The following UFSP2 variants were observed in gnomAD, a reference collection of about 807,000 sequenced individuals.
The protein encoded by UFSP2 is ufm1-specific protease 2.
A neutral mutation model predicts 60.2 loss-of-function variants in UFSP2; 43 were observed. The observed-to-expected ratio is 0.71, with a 90% CI of 0.56 to 0.92. The LOEUF (loss-of-function observed/expected upper bound fraction) is 0.92. Ranked by LOEUF, UFSP2 falls within the 40% of genes least tolerant of loss-of-function variation. UFSP2 has a pLI of 0.00. For synonymous variants in UFSP2, 183 were observed against 195.1 expected, an observed-to-expected ratio of 0.94 and a Z score of 0.52; for missense variants, 520 against 575.0, an observed-to-expected ratio of 0.90 and a Z score of 0.98.
intron 4 of UFSP2, 23 bp downstream of exon 4, chr4:185,418,418 C>G (rs774247584): frequency 1.3e-6 from 2 of 1,561,698 alleles, no homozygotes; most frequent in Non-Finnish European, 1.8e-6. Flanking sequence ...TTTATCAGTA[C>G]AGAAGACAGA....
intron 1 of UFSP2, among the ~76,000 whole-genome samples, chr4:185,424,835 T>C (rs865776051): frequency 6.6e-6 from 1 of 152,174 alleles, no homozygotes; most frequent in Non-Finnish European, 1.5e-5. Context: ...ACTGGAAAAA[T>C]ACACAACTTC....
At chr4:185,408,247 A>C (rs1429079826) in intron 8 of UFSP2, 24 bp downstream of exon 8, 1 of 1,607,334 alleles carries the variant, frequency 6.2e-7, no homozygotes, top group East Asian at 2.2e-5. Context: ...AGTTGATTAT[A>C]ATTTAAAACG....
intron 8 of UFSP2, 77 bp downstream of exon 8, chr4:185,408,194 A>G (rs1420503604): frequency 1.2e-5 from 18 of 1,557,070 alleles, no homozygotes; most frequent in Non-Finnish European, 1.6e-5. Flanking sequence ...ACCATGAGGT[A>G]ACAAAAATTA....
intron 4 of UFSP2, 84 bp from the exon 5 acceptor site, chr4:185,415,951 T>G: frequency 8.4e-7 from 1 of 1,191,792 alleles, no homozygotes; most frequent in Non-Finnish European, 1.1e-6. Context: ...TTCAAAAATG[T>G]ATTTATTATT....
rs1195255386 is a variant in UFSP2 at position 185,418,706 on chromosome 4, G to GT, written c.146dup (p.Asn49LysfsTer17). The GT allele has an allele frequency of 6.2e-7, 1 of 1,613,618 alleles. No homozygotes were observed. Among genetic ancestry groups the GT allele is most frequent in the Non-Finnish European group, 8.5e-7 (1 of 1,179,910 alleles). ...TGTGGCAAATTCTGAACACAAGGGC[G>GT]TTTGAAGACAGCTTAGTTGACAGGT... On this transcript the variant is annotated frameshift_variant, in exon 3 of 12. Transcript: ENST00000264689. LOFTEE classifies it high-confidence loss of function.
At chr4:185,406,366 C>G (rs919021321) in intron 9 of UFSP2, among the ~76,000 whole-genome samples, 6 of 152,206 alleles carry the variant, frequency 3.9e-5, no homozygotes, top group African/African-American at 1.4e-4. Flanking sequence ...AAAATGTTTT[C>G]AAGTGCAACA....
chr4:185,408,896 CT>C (rs2095524613), intron 7 of UFSP2, among the ~76,000 whole-genome samples: 1 of 152,196 alleles, frequency 6.6e-6, no homozygotes, highest in Non-Finnish European at 1.5e-5. Context: ...ACCCCACCCC[CT>C]GCCTCACCTG....
chr4:185,399,927 G>C lies in UFSP2; in HGVS notation c.*465C>G, dbSNP rs545340571. On this transcript the variant is annotated 3_prime_UTR_variant, in exon 12 of 12. Transcript: ENST00000264689. ...TACTGGTTATACTTACCAGAGTCTA[G>C]AGACCAAAAATGGGACTGCATGGTG... 5.8e-6 allele frequency: 9 copies of C among 1,553,318 alleles called. No individual in the cohort carries two copies. In the South Asian group the frequency reaches 7.3e-5, roughly 13 times the overall value.
chr4:185,417,105 T>C (rs575576324), intron 4 of UFSP2, among the ~76,000 whole-genome samples: 73 of 152,298 alleles, frequency 4.8e-4, no homozygotes, highest in African/African-American at 1.6e-3. Context: ...GAAGTTAACC[T>C]CACCAATAAT....
chr4:185,408,194 A>C lies in UFSP2; in HGVS notation c.996+77T>G, dbSNP rs1420503604. ...CAGAAATAAGTCTGCACCATGAGGT[A>C]ACAAAAATTATCAATGGTATATTAA... On this transcript the variant is annotated intron_variant, in intron 8 of 11. Coordinates refer to ENST00000264689, the MANE Select transcript of UFSP2 (RefSeq NM_018359.5). 3.2e-6 allele frequency: 5 copies of C among 1,557,188 alleles called. No individual in the cohort carries two copies. The Admixed American group carries it at 8.8e-5, about 28-fold the overall frequency.
intron 9 of UFSP2, among the ~76,000 whole-genome samples, chr4:185,407,017 CTTTTTTT>C (rs34710879): frequency 1.0e-5 from 1 of 99,094 alleles, no homozygotes; most frequent in African/African-American, 3.5e-5. Context: ...TTTGGCTTTT[CTTTTTTT>C]TTTTTTTTTT....
rs878937357 is a variant in UFSP2, at chr4:185,403,618, C to G, written c.1199G>C (p.Gly400Ala). 2.5e-6 allele frequency: 4 copies of G among 1,599,070 alleles called. No homozygotes were observed. Among genetic ancestry groups the G allele is most frequent in the Non-Finnish European group, 3.4e-6 (4 of 1,176,462 alleles). The change falls in exon 11 of 12, where the codon GGG becomes GCG. Residue 400 changes from glycine to alanine, a missense_variant and splice_region_variant. Transcript: ENST00000264689. ...FQSEGTPVMI[G>A]GGVLAHTILG... ...TATTGTGTGGGCCAAAACTCCTCCC[C>G]CTATAGAAGAAAAAATAGGAAATAC...
Position 185,418,693 on chromosome 4 carries a change from T to G in UFSP2, c.160A>C (p.Arg54=), listed in dbSNP as rs1161769856. 69 of 1,614,032 alleles carry G rather than the reference T, an allele frequency of 4.3e-5. No homozygotes were observed. Among genetic ancestry groups the G allele is most frequent in the Non-Finnish European group, 5.8e-5 (68 of 1,179,980 alleles). Residue 54 remains arginine (R), a synonymous_variant, in exon 3 of 12, where the codon AGA becomes CGA. Coordinates refer to ENST00000264689, the MANE Select transcript of UFSP2 (RefSeq NM_018359.5). The part of the protein sequence containing the change: ...TKLSSNALVF[R]ICHSSVYIWP... ...ATATACACTGAACTGTGGCAAATTC[T>G]GAACACAAGGGCGTTTGAAGACAGC...
intron 5 of UFSP2, 56 bp downstream of exon 5, chr4:185,415,654 G>C: frequency 6.8e-7 from 1 of 1,467,764 alleles, no homozygotes; most frequent in South Asian, 1.3e-5. Context: ...ATACAAACAT[G>C]GGTTTGGGGA....
At chr4:185,412,065 GTAAAGTTTTGCTTCT>G (rs1353779853) in intron 7 of UFSP2, among the ~76,000 whole-genome samples, 2 of 151,470 alleles carry the variant, frequency 1.3e-5, no homozygotes, top group East Asian at 3.9e-4. Context: ...GCACAGACTG[GTAAAGTTTTGCTTCT>G]TAAATTAGGG....
intron 9 of UFSP2, 77 bp downstream of exon 9, chr4:185,407,859 A>AT (rs771162127): frequency 2.8e-6 from 4 of 1,451,678 alleles, no homozygotes; most frequent in African/African-American, 2.9e-5. Context: ...GGAAGATACC[A>AT]TTTTTTCTAT....
Position 185,402,254 on chromosome 4 carries a change from C to G in UFSP2, c.1323+1240G>C, listed in dbSNP as rs761344399. 1.8e-5 allele frequency: 8 copies of G among 452,254 alleles called. No homozygotes were observed. The East Asian group carries it at 5.6e-4, about 31-fold the overall frequency. The allele number at this position is 452,254 out of a possible 1,614,324, so 28.0% of individuals were successfully genotyped here. ...TTTAATAAATACTGAATGGAATGAACACCTTGCTACAGAACAAGAATATTG... is the reference window on the plus strand; with the variant it reads ...TTTAATAAATACTGAATGGAATGAAGACCTTGCTACAGAACAAGAATATTG... On this transcript the variant is annotated intron_variant, in intron 11 of 11. Coordinates refer to ENST00000264689, the MANE Select transcript of UFSP2 (RefSeq NM_018359.5).
rs948777417 is a variant in UFSP2, at chr4:185,424,036, C to T, written c.4-1473G>A. On this transcript the variant is annotated intron_variant, in intron 1 of 11. Transcript: ENST00000264689. ...AAAACACAGGCAGGGTGCAGTGGCT[C>T]ACGCCTGTAATCCCAACACTTTGGG... 2.6e-5 allele frequency among the ~76,000 whole-genome samples: 4 copies of T among 151,986 alleles called. No individual in the cohort carries two copies. In the South Asian group the frequency reaches 8.3e-4, roughly 31 times the overall value.
In UFSP2 at chr4:185,412,761, C is replaced by T. The variant is rs559382219; in HGVS notation, c.831+965G>A. Among the ~76,000 whole-genome samples, 3 of 152,130 alleles carry T rather than the reference C, an allele frequency of 2.0e-5. No homozygotes were observed. In the South Asian group the frequency reaches 6.2e-4, roughly 32 times the overall value. On this transcript the variant is annotated intron_variant, in intron 7 of 11. Transcript: ENST00000264689. The stretch of plus-strand genomic sequence containing the variant: ...AATAGCAATGCCACCAAGGTATCCA[C>T]GGAGTCCTTGAGAGAGACTGAAGAC...
Sources: allele counts gnomAD v4.1 joint callset (sites outside exome capture counted in the v4.1 genomes callset), GRCh38; gene constraint gnomAD v4.1.1; transcripts MANE v1.5; gene names NCBI Gene and HGNC (gene_info 2026-07-23, HGNC 2026-07-21).